Variants in DNM3 observed in about 807,000 individuals in gnomAD.
DNM3 encodes dynamin 3.
A neutral mutation model predicts 101.6 loss-of-function variants in DNM3; 47 were observed. The observed-to-expected ratio is 0.46, with a 90% CI of 0.37 to 0.59. The LOEUF (loss-of-function observed/expected upper bound fraction) is 0.59, where lower values mean the gene tolerates loss of function less well. Ranked by LOEUF, DNM3 falls within the 20% of genes least tolerant of loss-of-function variation. The pLI, the probability that DNM3 is intolerant of heterozygous loss-of-function variation, is 0.00. For synonymous variants in DNM3, 385 were observed against 387.9 expected, an observed-to-expected ratio of 0.99 and a Z score of 0.09; for missense variants, 849 against 1,085.7, an observed-to-expected ratio of 0.78 and a Z score of 3.06.
At position 171,951,489 on chromosome 1, in the gene DNM3, T is replaced by C. The variant is rs141158635; in HGVS notation, c.235+29668T>C. 3.3e-5 allele frequency among the ~76,000 whole-genome samples: 5 copies of C among 152,318 alleles called. No individual in the cohort carries two copies. In the East Asian group the frequency reaches 7.7e-4, roughly 23 times the overall value. Reference sequence around the variant, plus strand: ...CTTATGTTTGGCAAAACCATTCTCATTCTCTAAAGTTTAGGGGTTTATCTA... The same window carrying C: ...CTTATGTTTGGCAAAACCATTCTCACTCTCTAAAGTTTAGGGGTTTATCTA... On this transcript the variant is annotated intron_variant, in intron 2 of 20. Coordinates refer to ENST00000627582, the MANE Select transcript of DNM3 (RefSeq NM_015569.5).
chr1:172,154,066 A>T (rs1362434032), intron 14 of DNM3, among the ~76,000 whole-genome samples: 1 of 152,006 alleles, frequency 6.6e-6, no homozygotes, highest in African/African-American at 2.4e-5. Flanking sequence ...CTGTCGTTTC[A>T]CTTATTCTGA....
intron 17 of DNM3, among the ~76,000 whole-genome samples, chr1:172,368,317 G>A (rs1558051727): frequency 6.6e-6 from 1 of 151,784 alleles, no homozygotes; most frequent in East Asian, 1.9e-4. Flanking sequence ...TCAAAATCAA[G>A]TGGAACTTTG....
intron 11 of DNM3, among the ~76,000 whole-genome samples, chr1:172,071,908 T>C (rs531661020): frequency 1.8e-3 from 270 of 152,286 alleles, no homozygotes; most frequent in Non-Finnish European, 2.9e-3. Flanking sequence ...TTATTTTTCT[T>C]TTCATCCCCC....
At chr1:172,178,852 T>C (rs1004616614) in intron 14 of DNM3, among the ~76,000 whole-genome samples, 8 of 151,880 alleles carry the variant, frequency 5.3e-5, no homozygotes, top group Admixed American at 2.0e-4. Context: ...GGTTAAGGGG[T>C]CACCTTATGG....
chr1:171,890,139 A>G (rs2037140498), intron 1 of DNM3, among the ~76,000 whole-genome samples: 2 of 152,216 alleles, frequency 1.3e-5, no homozygotes, highest in African/African-American at 2.4e-5. Context: ...GAATGAATCA[A>G]ACAATGATCT....
At chr1:172,399,526 A>G (rs2070297601) in intron 20 of DNM3, among the ~76,000 whole-genome samples, 1 of 152,142 alleles carries the variant, frequency 6.6e-6, no homozygotes, top group Non-Finnish European at 1.5e-5. Flanking sequence ...TGTCTCCACG[A>G]GTGTCATTGC....
chr1:172,033,005 G>A (rs2048724716), intron 5 of DNM3, 100 bp from the exon 6 acceptor site: 2 of 1,410,182 alleles, frequency 1.4e-6, no homozygotes, highest in African/African-American at 2.9e-5. Context: ...CCTAAAACTA[G>A]TTTTGCCTTT....
chr1:172,249,114 G>T (rs573542985), intron 14 of DNM3, among the ~76,000 whole-genome samples: 6 of 152,274 alleles, frequency 3.9e-5, no homozygotes, highest in Non-Finnish European at 7.3e-5. Flanking sequence ...CTTTGCATAT[G>T]CAGGAGCTAT....
chr1:171,867,622 G>A (rs2034883634), intron 1 of DNM3, among the ~76,000 whole-genome samples: 1 of 151,970 alleles, frequency 6.6e-6, no homozygotes, highest in Admixed American at 6.6e-5. Context: ...TACTTCCTTT[G>A]GATCTACTTT....
chr1:172,237,892 T>C (rs1416374505), intron 14 of DNM3, among the ~76,000 whole-genome samples: 1 of 152,158 alleles, frequency 6.6e-6, no homozygotes, highest in Non-Finnish European at 1.5e-5. Flanking sequence ...CATGGGTTCT[T>C]TGGAGACTGG....
rs539988004 is a variant in DNM3, at chr1:172,071,592, TA to T, written c.1422+2688del. Among the ~76,000 whole-genome samples, 510 of 152,218 alleles carry T rather than the reference TA, an allele frequency of 3.4e-3. 2 individuals are homozygous for T. The highest frequency in any genetic ancestry group is 4.5e-3 in the Non-Finnish European group (307 of 68,008). On this transcript the variant is annotated intron_variant, in intron 11 of 20. Coordinates refer to ENST00000627582, the MANE Select transcript of DNM3 (RefSeq NM_015569.5). ...CAGTTTTATTTCTTTCTTTAAAAAG[TA>T]GAGTTACTACCAACTTCTGCTCTGG...
intron 20 of DNM3, among the ~76,000 whole-genome samples, chr1:172,394,961 C>T (rs546262368): frequency 4.5e-4 from 68 of 152,308 alleles, no homozygotes; most frequent in Non-Finnish European, 9.1e-4. Context: ...CACTGCACTT[C>T]GTTGTTTCCC....
In DNM3 at chr1:172,410,978, G is replaced by C; in HGVS notation, c.*3137G>C. ...TATATGGCATATACCTAGTAAGTAT[G>C]TTTCTGTAAGTATGTGTATTTTATG... On this transcript the variant is annotated 3_prime_UTR_variant, in exon 21 of 21. Transcript: ENST00000627582. 1.0e-6 allele frequency: 1 copy of C among 985,130 alleles called. No homozygotes were observed. Among genetic ancestry groups the C allele is most frequent in the Non-Finnish European group, 1.2e-6 (1 of 829,742 alleles). 61.0% of individuals were successfully genotyped at this position (985,130 alleles called of 1,614,324 possible).
chr1:172,401,191 T>C (rs539252500), intron 20 of DNM3, among the ~76,000 whole-genome samples: 1 of 152,344 alleles, frequency 6.6e-6, no homozygotes, highest in Non-Finnish European at 1.5e-5. Context: ...CCGATACTTA[T>C]TTTAAAAACC....
intron 1 of DNM3, among the ~76,000 whole-genome samples, chr1:171,869,161 T>C (rs1374894424): frequency 6.6e-6 from 1 of 152,168 alleles, no homozygotes; most frequent in African/African-American, 2.4e-5. Flanking sequence ...CTAAACATCA[T>C]GTGGTTGGTT....
At chr1:172,209,323 C>T (rs2060431472) in intron 14 of DNM3, among the ~76,000 whole-genome samples, 1 of 151,948 alleles carries the variant, frequency 6.6e-6, no homozygotes, top group Non-Finnish European at 1.5e-5. Context: ...TTCTAGCCTT[C>T]AGAATCATGA....
intron 1 of DNM3, among the ~76,000 whole-genome samples, chr1:171,920,123 A>G (rs1252744295): frequency 2.0e-5 from 3 of 152,246 alleles, no homozygotes; most frequent in African/African-American, 7.2e-5. Context: ...CTGTCAGAAC[A>G]CACAGTAGCA....
intron 1 of DNM3, among the ~76,000 whole-genome samples, chr1:171,865,895 T>A (rs1330033911): frequency 6.6e-6 from 1 of 152,220 alleles, no homozygotes; most frequent in Non-Finnish European, 1.5e-5. Context: ...TTCAGATCCA[T>A]GTTGAGATTT....
At chr1:172,194,348 G>A (rs1202686050) in intron 14 of DNM3, among the ~76,000 whole-genome samples, 1 of 152,162 alleles carries the variant, frequency 6.6e-6, no homozygotes, top group Non-Finnish European at 1.5e-5. Flanking sequence ...TTGATTTGGG[G>A]TGGAGAGTCC....
Sources: gnomAD v4.1 joint callset for allele counts (sites outside exome capture counted in the v4.1 genomes callset) on GRCh38, gnomAD v4.1.1 for gene constraint, MANE v1.5 for transcripts, NCBI Gene and HGNC (gene_info 2026-07-23, HGNC 2026-07-21) for gene names.